Variants in DPP6 observed in about 807,000 individuals in gnomAD.
DPP6 encodes the protein dipeptidyl peptidase like 6.
DPP6 carries 69 observed loss-of-function variants against 122.6 expected under a neutral mutation model. The observed-to-expected ratio is 0.56, with a 90% CI of 0.46 to 0.69. The LOEUF (loss-of-function observed/expected upper bound fraction) is 0.69. Ranked by LOEUF, DPP6 falls within the 30% of genes least tolerant of loss-of-function variation. The pLI is 0.00. For synonymous variants in DPP6, 418 were observed against 433.1 expected, an observed-to-expected ratio of 0.97 and a Z score of 0.43; for missense variants, 928 against 1,116.9, an observed-to-expected ratio of 0.83 and a Z score of 2.41.
In DPP6 at chr7:154,769,889, T is replaced by G. The variant is rs150872143; in HGVS notation, c.1038+318T>G. Among the ~76,000 whole-genome samples, 208 of 152,284 alleles carry G rather than the reference T, an allele frequency of 1.4e-3. 1 individual carries two copies. Among genetic ancestry groups the G allele is most frequent in the African/African-American group, 4.7e-3 (195 of 41,560 alleles). ...CACCTGCCCTCTCTCACGCATCTTA[T>G]TTCTACTTTGAGTTTGGCCTCTGGG... On this transcript the variant is annotated intron_variant, in intron 9 of 25. Transcript: ENST00000377770.
intron 4 of DPP6, among the ~76,000 whole-genome samples, chr7:154,559,399 G>A (rs985945035): frequency 6.8e-5 from 10 of 146,114 alleles, no homozygotes; most frequent in Admixed American, 2.1e-4. Context: ...ACAGTATAAA[G>A]TAGACTAATA....
chr7:153,874,327 T>A, the DPP6 span, among the ~76,000 whole-genome samples: 2 of 152,152 alleles, frequency 1.3e-5, no homozygotes, highest in East Asian at 3.9e-4. Context: ...ACTTATTAGA[T>A]ATGGACTTTA....
At chr7:153,945,466 G>A (rs1395995343) in intron 1 of DPP6, among the ~76,000 whole-genome samples, 2 of 152,128 alleles carry the variant, frequency 1.3e-5, no homozygotes, top group African/African-American at 4.8e-5. Context: ...AAGAGGATGG[G>A]TATGTTTTGA....
intron 1 of DPP6, among the ~76,000 whole-genome samples, chr7:154,043,055 T>G (rs1264275376): frequency 1.3e-5 from 2 of 152,084 alleles, no homozygotes; most frequent in African/African-American, 4.8e-5. Flanking sequence ...GTTTTTTGAT[T>G]GGTGGACTTA....
chr7:153,861,465 C>T, the DPP6 span, among the ~76,000 whole-genome samples: 1 of 152,064 alleles, frequency 6.6e-6, no homozygotes, highest in African/African-American at 2.4e-5. Context: ...AAAAATTATA[C>T]CATCAAATGT....
rs2150527323 is a variant in DPP6 at position 154,833,193 on chromosome 7, G to A, written c.1667-20587G>A. 6.6e-6 allele frequency among the ~76,000 whole-genome samples: 1 copy of A among 152,332 alleles called. No homozygotes were observed. The highest frequency in any genetic ancestry group is 2.1e-4 in the South Asian group (1 of 4,826). On this transcript the variant is annotated intron_variant, in intron 16 of 25. Coordinates refer to ENST00000377770, the MANE Select transcript of DPP6 (RefSeq NM_130797.4). This position sits in a 1 kb window ranked among gnomAD's most constrained non-coding sequence, Gnocchi z 4.3. ...CTGGGCTCCGATGCACACAGGAGCAGTGCAGAAGAGTGAGGGTCCCGGGGT... is the reference window on the plus strand; with the variant it reads ...CTGGGCTCCGATGCACACAGGAGCAATGCAGAAGAGTGAGGGTCCCGGGGT...
the DPP6 span, among the ~76,000 whole-genome samples, chr7:153,856,606 T>C: frequency 6.6e-6 from 1 of 152,224 alleles, no homozygotes; most frequent in Admixed American, 6.5e-5. Flanking sequence ...TGGGATTTCA[T>C]ATCTGGTCCT....
intron 1 of DPP6, among the ~76,000 whole-genome samples, chr7:154,143,246 C>T (rs1289198300): frequency 6.6e-6 from 1 of 152,142 alleles, no homozygotes; most frequent in Non-Finnish European, 1.5e-5. Flanking sequence ...TGCGGATTGC[C>T]AGATAAGTCT....
chr7:154,858,196 C>T (rs891679461), intron 17 of DPP6: 1 of 152,202 alleles, frequency 6.6e-6, no homozygotes, highest in Non-Finnish European at 1.5e-5. Context: ...AAATACTTGA[C>T]ATATTTTAAC....
chr7:154,205,457 C>CTT (rs1799392272), intron 1 of DPP6, among the ~76,000 whole-genome samples: 1 of 152,150 alleles, frequency 6.6e-6, no homozygotes, highest in Non-Finnish European at 1.5e-5. Flanking sequence ...TTGGGATTGG[C>CTT]TTTTTTCCTC....
chr7:154,324,870 T>A (rs1219480868), intron 1 of DPP6, among the ~76,000 whole-genome samples: 3 of 144,138 alleles, frequency 2.1e-5, no homozygotes, highest in Admixed American at 7.0e-5. Context: ...TTTTGTTATT[T>A]TTTTTTTTTT....
intron 4 of DPP6, among the ~76,000 whole-genome samples, chr7:154,554,178 A>G (rs1401360752): frequency 1.3e-5 from 2 of 152,090 alleles, no homozygotes; most frequent in Non-Finnish European, 1.5e-5. Context: ...CACTATCATT[A>G]ACATTATCGC....
chr7:154,529,219 A>G (rs1369372073), intron 3 of DPP6, among the ~76,000 whole-genome samples: 1 of 152,192 alleles, frequency 6.6e-6, no homozygotes, highest in Non-Finnish European at 1.5e-5. Flanking sequence ...TGGGCAAGTC[A>G]GGAAATAATC....
the DPP6 span, among the ~76,000 whole-genome samples, chr7:153,850,151 C>G: frequency 6.6e-6 from 1 of 152,148 alleles, no homozygotes; most frequent in Admixed American, 6.5e-5. Context: ...GGTCGGGAGT[C>G]CAGACACAGC....
intron 1 of DPP6, among the ~76,000 whole-genome samples, chr7:153,904,627 A>G (rs377165699): frequency 2.6e-5 from 4 of 152,144 alleles, no homozygotes; most frequent in East Asian, 1.9e-4. Context: ...AATTCTCACT[A>G]TTGATTGAAC....
intron 5 of DPP6, among the ~76,000 whole-genome samples, chr7:154,591,798 A>T (rs569403122): frequency 6.6e-6 from 1 of 152,304 alleles, no homozygotes; most frequent in African/African-American, 2.4e-5. Context: ...AGGCCATCCC[A>T]CCATGGACAG....
intron 4 of DPP6, among the ~76,000 whole-genome samples, chr7:154,566,037 T>C (rs1830724618): frequency 6.6e-6 from 1 of 152,220 alleles, no homozygotes; most frequent in Non-Finnish European, 1.5e-5. Flanking sequence ...ATGTTTGTAC[T>C]ATGAAGAAAT....
chr7:154,661,645 T>C (rs1194871849), intron 6 of DPP6, among the ~76,000 whole-genome samples: 21 of 148,634 alleles, frequency 1.4e-4, no homozygotes, highest in African/African-American at 5.3e-4. Flanking sequence ...GTAGTATTCA[T>C]ATAGTCATGG....
At chr7:154,659,196 G>T (rs1837460262) in intron 6 of DPP6, among the ~76,000 whole-genome samples, 3 of 152,216 alleles carry the variant, frequency 2.0e-5, no homozygotes, top group Non-Finnish European at 4.4e-5. Context: ...TGAGGATTGA[G>T]ACCCTAAACC....
Sources: allele counts gnomAD v4.1 joint callset (sites outside exome capture counted in the v4.1 genomes callset), GRCh38; gene constraint gnomAD v4.1.1; non-coding constraint Gnocchi (gnomAD v3.1); transcripts MANE v1.5; gene names NCBI Gene and HGNC (gene_info 2026-07-23, HGNC 2026-07-21).